Variants in CCDC171 observed in about 807,000 individuals in gnomAD.
CCDC171 encodes coiled-coil domain containing 171, also known as coiled-coil domain-containing protein 171.
In CCDC171, 177 loss-of-function variants were observed where a neutral mutation model predicts 168.2. The observed-to-expected ratio is 1.05, with a 90% CI of 0.93 to 1.19. CCDC171 has a LOEUF of 1.19. Ranked by LOEUF, CCDC171 falls within the 50% of genes most tolerant of loss-of-function variation. The pLI is 0.00. For missense variants in CCDC171, 1,991 were observed against 1,539.0 expected (o/e 1.29, Z -4.91); for synonymous variants, 687 against 540.8 (o/e 1.27, Z -3.75).
intron 21 of CCDC171, among the ~76,000 whole-genome samples, chr9:15,788,238 A>C (rs968626589): frequency 4.6e-5 from 7 of 152,218 alleles, no homozygotes; most frequent in African/African-American, 1.7e-4. Context: ...TGGGCAAATT[A>C]CTTAACCTTC....
intron 10 of CCDC171, among the ~76,000 whole-genome samples, chr9:15,682,086 C>T (rs998451922): frequency 6.6e-6 from 1 of 151,884 alleles, no homozygotes; most frequent in African/African-American, 2.4e-5. Flanking sequence ...TCTTTATTTT[C>T]TCTGTTACAT....
At chr9:15,835,858 A>G (rs989405678) in intron 21 of CCDC171, among the ~76,000 whole-genome samples, 1 of 152,208 alleles carries the variant, frequency 6.6e-6, no homozygotes, top group African/African-American at 2.4e-5. Flanking sequence ...ACCTATTTAC[A>G]TATATACATG....
At chr9:16,099,227 G>T in the CCDC171 span, among the ~76,000 whole-genome samples, 5 of 152,148 alleles carry the variant, frequency 3.3e-5, no homozygotes, top group African/African-American at 4.8e-5. Flanking sequence ...CCTTAGAGGG[G>T]TTAACATCAG....
chr9:16,040,873 T>C (rs891588446), upstream of CCDC171, among the ~76,000 whole-genome samples: 6 of 152,064 alleles, frequency 3.9e-5, no homozygotes, highest in Non-Finnish European at 7.4e-5. Flanking sequence ...TCTGCAAAGA[T>C]ACTCTCTCTT....
chr9:15,684,177 G>T (rs148064028), intron 10 of CCDC171, among the ~76,000 whole-genome samples: 2 of 152,082 alleles, frequency 1.3e-5, no homozygotes, highest in African/African-American at 4.8e-5. Flanking sequence ...AAGATTATAG[G>T]CTTTGATGCT....
intron 23 of CCDC171, among the ~76,000 whole-genome samples, chr9:15,866,213 T>C (rs540579921): frequency 1.3e-5 from 2 of 152,006 alleles, no homozygotes; most frequent in African/African-American, 4.8e-5. Context: ...GGGTTTAAGC[T>C]AGGGGTTGAT....
At chr9:16,024,010 G>A (rs1411830748) in intron 6 of CCDC171, among the ~76,000 whole-genome samples, 1 of 152,054 alleles carries the variant, frequency 6.6e-6, no homozygotes, top group Non-Finnish European at 1.5e-5. Flanking sequence ...GAAGGTCCAT[G>A]AGAGAAAAAG....
chr9:15,564,104 T>G lies in CCDC171; in HGVS notation c.16T>G (p.Ser6Ala), dbSNP rs140379406. 1.7e-4 allele frequency: 270 copies of G among 1,607,608 alleles called. No homozygotes were observed. The highest frequency in any genetic ancestry group is 6.6e-4 in the Middle Eastern group (4 of 6,042). MNLNT[S>A]SNTGDTQRLK... is the part of the protein sequence containing the mutation. ...GGAAAACATCATGAATTTGAATACT[T>G]CAAGTAATACTGGTGATACCCAAAG... The change falls in exon 2 of 26, where the codon TCA becomes GCA. Residue 6 changes from serine (S) to alanine (A), a missense_variant. Transcript: ENST00000380701.
chr9:15,572,097 T>C (rs1182111422), intron 3 of CCDC171, among the ~76,000 whole-genome samples: 2 of 152,166 alleles, frequency 1.3e-5, no homozygotes, highest in African/African-American at 2.4e-5. Flanking sequence ...AGGTCTCCAT[T>C]ATGGAGCAAT....
intron 7 of CCDC171, among the ~76,000 whole-genome samples, chr9:15,630,478 A>G (rs984705506): frequency 6.6e-6 from 1 of 152,190 alleles, no homozygotes; most frequent in Admixed American, 6.5e-5. Context: ...AGAGCTAACT[A>G]TCCTAAATAT....
At chr9:15,773,815 C>T (rs2057147010) in intron 18 of CCDC171, among the ~76,000 whole-genome samples, 2 of 152,106 alleles carry the variant, frequency 1.3e-5, no homozygotes, top group African/African-American at 4.8e-5. Context: ...TAAAAAGCTT[C>T]TGCACAGCCA....
chr9:15,942,118 A>G (rs1265837023), intron 25 of CCDC171, among the ~76,000 whole-genome samples: 1 of 151,924 alleles, frequency 6.6e-6, no homozygotes, highest in African/African-American at 2.4e-5. Flanking sequence ...TATAACATTA[A>G]TTGTATCATA....
intron 25 of CCDC171, among the ~76,000 whole-genome samples, chr9:15,955,880 C>T (rs1457662664): frequency 2.0e-5 from 3 of 151,958 alleles, no homozygotes; most frequent in African/African-American, 7.3e-5. Flanking sequence ...ATACTTATAA[C>T]AAATTATAAT....
the CCDC171 span, among the ~76,000 whole-genome samples, chr9:16,100,138 C>G: frequency 6.6e-6 from 1 of 152,160 alleles, no homozygotes; most frequent in African/African-American, 2.4e-5. Flanking sequence ...CAGTCCTTCG[C>G]TCCCACAGCA....
At chr9:15,719,641 T>G (rs556726859) in intron 11 of CCDC171, among the ~76,000 whole-genome samples, 1 of 152,274 alleles carries the variant, frequency 6.6e-6, no homozygotes, top group South Asian at 2.1e-4. Flanking sequence ...TATAAACATT[T>G]TCAGGAAATA....
Position 15,779,030 on chromosome 9 carries a change from A to C in CCDC171, c.2961A>C (p.Glu987Asp). 1 of 1,598,958 alleles carries C rather than the reference A, an allele frequency of 6.3e-7. No individual in the cohort carries two copies. The highest frequency in any genetic ancestry group is 8.5e-7 in the Non-Finnish European group (1 of 1,173,560). ...TTACACAAAGACTGCATGCTGCAGA[A>C]GTGGAGCGCCGCTCACTACGCTTAG... ...LGFTQRLHAA[E>D]VERRSLRLEV... The change falls in exon 20 of 26, where the codon GAA (glutamate) becomes GAC (aspartate). Residue 987 changes from glutamate to aspartate, a missense_variant. Physicochemically the swap from Glu to Asp is conservative, Grantham distance 45. Coordinates refer to ENST00000380701, the MANE Select transcript of CCDC171 (RefSeq NM_173550.4).
At chr9:15,626,714 G>T (rs1232965513) in intron 7 of CCDC171, among the ~76,000 whole-genome samples, 1 of 152,184 alleles carries the variant, frequency 6.6e-6, no homozygotes, top group Non-Finnish European at 1.5e-5. Flanking sequence ...GATTCAGTTT[G>T]CCAGTATTTT....
intron 18 of CCDC171, among the ~76,000 whole-genome samples, chr9:15,758,232 C>G (rs955162233): frequency 5.9e-5 from 9 of 152,196 alleles, no homozygotes; most frequent in Non-Finnish European, 1.2e-4. Context: ...AGGGGTGGAG[C>G]TGCCCAAGAC....
intron 21 of CCDC171, among the ~76,000 whole-genome samples, chr9:15,805,187 A>G (rs1391886124): frequency 2.0e-5 from 3 of 152,050 alleles, no homozygotes; most frequent in Admixed American, 6.6e-5. Context: ...GTTTTTCAAA[A>G]AGCCAACTCC....
Sources: allele counts gnomAD v4.1 joint callset (sites outside exome capture counted in the v4.1 genomes callset), GRCh38; gene constraint gnomAD v4.1.1; transcripts MANE v1.5; gene names NCBI Gene and HGNC (gene_info 2026-07-23, HGNC 2026-07-21).